Variants in SEMA3D observed in about 807,000 individuals in gnomAD.
SEMA3D encodes semaphorin-3D.
A neutral mutation model predicts 100.1 loss-of-function variants in SEMA3D; 84 were observed. That is an observed-to-expected ratio of 0.84 (90% confidence interval 0.70 to 1.01). The LOEUF is 1.01. Ranked by LOEUF, SEMA3D falls within the 50% of genes least tolerant of loss-of-function variation. The pLI is 0.00. For missense variants in SEMA3D, 875 were observed against 934.1 expected (o/e 0.94, Z 0.82); for synonymous variants, 312 against 320.7 (o/e 0.97, Z 0.29).
intron 1 of SEMA3D, among the ~76,000 whole-genome samples, chr7:85,165,157 T>C (rs932416209): frequency 1.3e-5 from 2 of 151,918 alleles, no homozygotes; most frequent in African/African-American, 4.8e-5. Context: ...ATGGCACATG[T>C]ATACATGTGT....
chr7:85,235,841 A>G, the SEMA3D span, among the ~76,000 whole-genome samples: 5 of 152,322 alleles, frequency 3.3e-5, no homozygotes, highest in Middle Eastern at 3.4e-3. Context: ...AGCCAGTCTT[A>G]GGAGCATGGC....
chr7:85,160,149 G>T, intron 1 of SEMA3D: 1 of 535,698 alleles, frequency 1.9e-6, no homozygotes, highest in Non-Finnish European at 2.4e-6. Context: ...GCTACTTATT[G>T]ATCTGATAGA....
intron 9 of SEMA3D, among the ~76,000 whole-genome samples, chr7:85,045,898 G>C (rs1005640820): frequency 6.6e-6 from 1 of 151,750 alleles, no homozygotes; most frequent in Non-Finnish European, 1.5e-5. Context: ...GTGATAAGAA[G>C]AGCACTAGTA....
At chr7:85,053,191 A>C (rs1260165137) in intron 9 of SEMA3D, among the ~76,000 whole-genome samples, 2 of 151,942 alleles carry the variant, frequency 1.3e-5, no homozygotes, top group Non-Finnish European at 2.9e-5. Flanking sequence ...GAACAAATAG[A>C]ATAAAGGACT....
intron 2 of SEMA3D, chr7:85,141,208 A>AGC (rs1790041750): frequency 2.7e-5 from 27 of 983,212 alleles, no homozygotes; most frequent in Non-Finnish European, 3.1e-5. Flanking sequence ...CACACATATT[A>AGC]ACCCCCTCTC....
chr7:85,089,097 C>T (rs1358104408), intron 4 of SEMA3D, among the ~76,000 whole-genome samples: 6 of 152,064 alleles, frequency 3.9e-5, no homozygotes, highest in South Asian at 4.1e-4. Context: ...CCTACTGCAT[C>T]GCCGCTTGGT....
At chr7:85,061,756 T>A (rs1459327420) in intron 8 of SEMA3D, among the ~76,000 whole-genome samples, 2 of 152,190 alleles carry the variant, frequency 1.3e-5, no homozygotes, top group African/African-American at 4.8e-5. Context: ...TCTGCCCTAG[T>A]TTCTGTGGAC....
the SEMA3D span, among the ~76,000 whole-genome samples, chr7:85,202,004 G>A: frequency 3.6e-4 from 55 of 151,480 alleles, no homozygotes; most frequent in Non-Finnish European, 6.8e-4. Flanking sequence ...ACAGGCATGA[G>A]CTATCACACT....
At chr7:85,162,811 C>A (rs1583980725) in intron 1 of SEMA3D, among the ~76,000 whole-genome samples, 1 of 152,120 alleles carries the variant, frequency 6.6e-6, no homozygotes, top group East Asian at 1.9e-4. Context: ...AAGGAGCAAT[C>A]TGCAGAACAG....
intron 1 of SEMA3D, among the ~76,000 whole-genome samples, chr7:85,182,282 A>G (rs1426860241): frequency 6.6e-6 from 1 of 152,160 alleles, no homozygotes; most frequent in Non-Finnish European, 1.5e-5. Flanking sequence ...CATTATCATA[A>G]AACTCCCAGT....
intron 3 of SEMA3D, among the ~76,000 whole-genome samples, chr7:85,113,701 G>A (rs1242128343): frequency 6.6e-6 from 1 of 151,430 alleles, no homozygotes; most frequent in African/African-American, 2.4e-5. Flanking sequence ...AACCCAGGAG[G>A]TGGAGTTTGC....
chr7:85,150,487 TAC>T (rs373484834), intron 2 of SEMA3D, among the ~76,000 whole-genome samples: 98 of 135,964 alleles, frequency 7.2e-4, no homozygotes, highest in Admixed American at 3.8e-3. Flanking sequence ...TATATATATA[TAC>T]ACACACACAC....
At chr7:85,196,196 A>G in the SEMA3D span, among the ~76,000 whole-genome samples, 11 of 152,312 alleles carry the variant, frequency 7.2e-5, no homozygotes, top group African/African-American at 2.2e-4. Flanking sequence ...TTTTGAATGT[A>G]AAAATGAACT....
At chr7:85,096,161 C>T (rs1788545732) in intron 4 of SEMA3D, among the ~76,000 whole-genome samples, 1 of 151,834 alleles carries the variant, frequency 6.6e-6, no homozygotes, top group South Asian at 2.1e-4. Flanking sequence ...TTTTCCTTGG[C>T]CACTTTCATA....
intron 6 of SEMA3D, among the ~76,000 whole-genome samples, chr7:85,070,464 A>G (rs572024620): frequency 6.6e-6 from 1 of 152,212 alleles, no homozygotes; most frequent in East Asian, 1.9e-4. Context: ...CCTTTTGTGT[A>G]TTGCTATTCC....
chr7:85,206,710 T>C, the SEMA3D span, among the ~76,000 whole-genome samples: 1 of 152,074 alleles, frequency 6.6e-6, no homozygotes, highest in Admixed American at 6.6e-5. Flanking sequence ...CAGATGATTA[T>C]CTAGATCACT....
At chr7:85,168,849 GAAAGAAAGAAAGAAAGAAAGAAAGAAAGA>G (rs1790997254) in intron 1 of SEMA3D, among the ~76,000 whole-genome samples, 1 of 106,022 alleles carries the variant, frequency 9.4e-6, no homozygotes, top group African/African-American at 3.5e-5. Flanking sequence ...AAGAAAGAAA[GAAAGAAAGAAAGAAAGAAAGAAAGAAAGA>G]AAAGAAAGAA....
At chr7:85,036,092 C>G (rs1012547869) in intron 12 of SEMA3D, among the ~76,000 whole-genome samples, 1 of 151,838 alleles carries the variant, frequency 6.6e-6, no homozygotes, top group African/African-American at 2.4e-5. Context: ...TTTTAAACCT[C>G]TTGGTAGTAA....
chr7:85,124,951 G>T (rs1428799610), intron 2 of SEMA3D, among the ~76,000 whole-genome samples: 3 of 151,978 alleles, frequency 2.0e-5, no homozygotes, highest in Non-Finnish European at 4.4e-5. Context: ...TTCTCCAATC[G>T]CATTATCCTG....
Sources: gnomAD v4.1 joint callset for allele counts (sites outside exome capture counted in the v4.1 genomes callset) on GRCh38, gnomAD v4.1.1 for gene constraint, MANE v1.5 for transcripts, NCBI Gene and HGNC (gene_info 2026-07-23, HGNC 2026-07-21) for gene names.